The following SIPA1L1 variants were observed in gnomAD, a reference collection of about 807,000 sequenced individuals.
SIPA1L1 encodes signal-induced proliferation-associated 1-like protein 1.
Under a neutral mutation model 162.7 loss-of-function variants are expected in SIPA1L1, and 26 were observed. The observed-to-expected ratio is 0.16, with a 90% CI of 0.12 to 0.22. SIPA1L1 has a LOEUF of 0.22. Ranked by LOEUF, SIPA1L1 falls within the 10% of genes least tolerant of loss-of-function variation. The pLI, the probability that SIPA1L1 is intolerant of heterozygous loss-of-function variation, is 1.00. For missense variants in SIPA1L1, 1,874 were observed against 2,241.0 expected, an observed-to-expected ratio of 0.84 and a Z score of 3.31; for synonymous variants, 829 against 837.4, an observed-to-expected ratio of 0.99 and a Z score of 0.17.
intron 4 of SIPA1L1, among the ~76,000 whole-genome samples, chr14:71,569,384 T>C (rs979859772): frequency 6.6e-6 from 1 of 152,180 alleles, no homozygotes; most frequent in Non-Finnish European, 1.5e-5. Flanking sequence ...TAGTTTTAAG[T>C]AGATACTTGG....
At chr14:71,404,824 A>G (rs2041928921) in intron 2 of SIPA1L1, among the ~76,000 whole-genome samples, 1 of 152,188 alleles carries the variant, frequency 6.6e-6, no homozygotes, top group Non-Finnish European at 1.5e-5. Flanking sequence ...GGCACCATTA[A>G]ATGATGATTC....
chr14:71,601,163 T>C (rs569333554), intron 5 of SIPA1L1, among the ~76,000 whole-genome samples: 2 of 152,298 alleles, frequency 1.3e-5, no homozygotes, highest in African/African-American at 4.8e-5. Context: ...GACATCCTTG[T>C]CTTGTTCCAA....
intron 2 of SIPA1L1, among the ~76,000 whole-genome samples, chr14:71,392,717 T>C (rs2040861373): frequency 6.6e-6 from 1 of 152,022 alleles, no homozygotes; most frequent in Non-Finnish European, 1.5e-5. Flanking sequence ...TTTTTTTTAG[T>C]AGAGACGGGG....
At chr14:71,494,630 G>A (rs1186621980) in intron 2 of SIPA1L1, among the ~76,000 whole-genome samples, 1 of 150,754 alleles carries the variant, frequency 6.6e-6, no homozygotes, top group African/African-American at 2.4e-5. Flanking sequence ...AGGATCAAGC[G>A]ATCCTCCCGC....
chr14:71,515,151 AC>A (rs2051580210), intron 3 of SIPA1L1, among the ~76,000 whole-genome samples: 2 of 152,170 alleles, frequency 1.3e-5, no homozygotes, highest in South Asian at 4.1e-4. Flanking sequence ...TTCATAAAGA[AC>A]CTGATTATTT....
At chr14:71,486,796 A>G (rs1215695553) in intron 2 of SIPA1L1, among the ~76,000 whole-genome samples, 1 of 152,188 alleles carries the variant, frequency 6.6e-6, no homozygotes, top group Admixed American at 6.6e-5. Context: ...TTACTTTCCA[A>G]TAAGTAATCT....
At chr14:71,650,184 T>G (rs1262133426) in intron 7 of SIPA1L1, 151 bp from the exon 8 acceptor site, 2 of 792,374 alleles carry the variant, frequency 2.5e-6, no homozygotes, top group Admixed American at 4.1e-5. Context: ...CCACTTAATT[T>G]TGGATCAAAG....
chr14:71,439,491 A>G (rs2044664904), intron 2 of SIPA1L1, among the ~76,000 whole-genome samples: 1 of 152,232 alleles, frequency 6.6e-6, no homozygotes, highest in Non-Finnish European at 1.5e-5. Context: ...AGTCAACTTT[A>G]ATTTGATTAA....
chr14:71,697,208 C>T (rs1293798195), intron 13 of SIPA1L1, among the ~76,000 whole-genome samples: 5 of 152,158 alleles, frequency 3.3e-5, no homozygotes, highest in Admixed American at 6.6e-5. Context: ...AGAGACCTGT[C>T]GGGACACTTG....
chr14:71,405,466 G>C (rs1372546668), intron 2 of SIPA1L1, among the ~76,000 whole-genome samples: 1 of 152,160 alleles, frequency 6.6e-6, no homozygotes, highest in African/African-American at 2.4e-5. Context: ...TTCTCCACTT[G>C]TCTCTTGTGT....
At chr14:71,469,315 A>G (rs777181526) in intron 2 of SIPA1L1, among the ~76,000 whole-genome samples, 1 of 152,198 alleles carries the variant, frequency 6.6e-6, no homozygotes, top group Non-Finnish European at 1.5e-5. Flanking sequence ...CTAGATCCAC[A>G]TGAAAACTCT....
At chr14:71,601,495 A>G (rs2036742971) in intron 5 of SIPA1L1, among the ~76,000 whole-genome samples, 1 of 151,952 alleles carries the variant, frequency 6.6e-6, no homozygotes, top group Non-Finnish European at 1.5e-5. Context: ...CAGTTTGTTC[A>G]TATTTTGTTG....
intron 7 of SIPA1L1, among the ~76,000 whole-genome samples, chr14:71,635,722 C>T (rs533440200): frequency 2.0e-5 from 3 of 152,294 alleles, no homozygotes; most frequent in Non-Finnish European, 4.4e-5. Flanking sequence ...CAGACTTAAA[C>T]TCTAATGCAG....
intron 2 of SIPA1L1, among the ~76,000 whole-genome samples, chr14:71,384,039 A>G (rs1454551022): frequency 2.0e-5 from 3 of 151,946 alleles, no homozygotes; most frequent in Admixed American, 2.0e-4. Context: ...TTCTTTTCAT[A>G]TAGGGTTTGT....
At chr14:71,452,392 T>C (rs1415929963) in intron 2 of SIPA1L1, among the ~76,000 whole-genome samples, 1 of 152,242 alleles carries the variant, frequency 6.6e-6, no homozygotes, top group Admixed American at 6.5e-5. Flanking sequence ...TAGTATTCTA[T>C]AATGTGAATA....
intron 5 of SIPA1L1, among the ~76,000 whole-genome samples, chr14:71,592,335 A>C (rs1425373648): frequency 6.6e-6 from 1 of 152,240 alleles, no homozygotes; most frequent in African/African-American, 2.4e-5. Flanking sequence ...TATAAACTGT[A>C]CATTTTAAAA....
intron 2 of SIPA1L1, among the ~76,000 whole-genome samples, chr14:71,482,665 G>A (rs575259302): frequency 1.8e-4 from 28 of 152,268 alleles, no homozygotes; most frequent in Non-Finnish European, 2.5e-4. Context: ...TTTTCATAGG[G>A]ATGAATTAGG....
chr14:71,487,000 T>C (rs2048817306), intron 2 of SIPA1L1, among the ~76,000 whole-genome samples: 2 of 152,318 alleles, frequency 1.3e-5, no homozygotes, highest in South Asian at 4.1e-4. Context: ...CCCTAGCATG[T>C]TAAGAACTGC....
chr14:71,391,487 G>A (rs2040753412), intron 2 of SIPA1L1, among the ~76,000 whole-genome samples: 1 of 152,202 alleles, frequency 6.6e-6, no homozygotes, highest in Admixed American at 6.5e-5. Context: ...TTATAACTGT[G>A]ATACGTGATT....
Sources: gnomAD v4.1 joint callset for allele counts (sites outside exome capture counted in the v4.1 genomes callset) on GRCh38, gnomAD v4.1.1 for gene constraint, MANE v1.5 for transcripts, NCBI Gene and HGNC (gene_info 2026-07-23, HGNC 2026-07-21) for gene names.